Variants in UFL1 observed in about 807,000 individuals in gnomAD.
The protein encoded by UFL1 is UFM1 specific ligase 1, also known as E3 UFM1-protein ligase 1.
Under a neutral mutation model 99.3 loss-of-function variants are expected in UFL1, and 78 were observed. The ratio of observed to expected loss-of-function variants is 0.79; its 90% confidence interval spans 0.65 to 0.95. The LOEUF (loss-of-function observed/expected upper bound fraction) is 0.95, where lower values mean the gene tolerates loss of function less well. UFL1 is among the 40% of genes least tolerant of loss of function. UFL1 has a pLI of 0.00. For missense variants in UFL1, 936 were observed against 937.0 expected, an observed-to-expected ratio of 1.00 and a Z score of 0.01; for synonymous variants, 335 against 322.2, an observed-to-expected ratio of 1.04 and a Z score of -0.42.
chr6:96,525,483 G>C (rs1160757225), intron 4 of UFL1, 89 bp downstream of exon 4: 1 of 918,238 alleles, frequency 1.1e-6, no homozygotes, highest in Non-Finnish European at 1.7e-6. Flanking sequence ...ATTATGGCCA[G>C]TTAGACATTT....
At chr6:96,523,399 A>G in intron 2 of UFL1, 108 bp downstream of exon 2, 21 of 1,207,362 alleles carry the variant, frequency 1.7e-5, no homozygotes, top group Non-Finnish European at 2.4e-5. Context: ...AGATTGTAAG[A>G]TATCGTTTTC....
intron 5 of UFL1, among the ~76,000 whole-genome samples, chr6:96,527,882 A>G (rs1769725374): frequency 6.6e-6 from 1 of 152,196 alleles, no homozygotes; most frequent in African/African-American, 2.4e-5. Context: ...TAAAATGTGA[A>G]ATATGTCCAG....
intron 12 of UFL1, among the ~76,000 whole-genome samples, chr6:96,545,618 G>A (rs1182584492): frequency 2.0e-5 from 3 of 150,804 alleles, no homozygotes; most frequent in Non-Finnish European, 4.5e-5. Context: ...TTATAAAGGA[G>A]GAAAAACTGC....
At chr6:96,526,287 C>T (rs778097329) in intron 4 of UFL1, 34 bp from the exon 5 acceptor site, 1 of 1,530,618 alleles carries the variant, frequency 6.5e-7, no homozygotes, top group Non-Finnish European at 8.9e-7. Flanking sequence ...ATTCCTAATT[C>T]TTTTTTCTAT....
chr6:96,552,877 T>C (rs1770102440), intron 18 of UFL1, among the ~76,000 whole-genome samples: 1 of 152,118 alleles, frequency 6.6e-6, no homozygotes, highest in African/African-American at 2.4e-5. Flanking sequence ...GAAATTAAGC[T>C]TTCAGAAAAG....
At position 96,549,742 on chromosome 6, in the gene UFL1, C is replaced by T. The variant is rs911937818; in HGVS notation, c.1761C>T (p.Asn587=). The part of the protein sequence containing the change: ...VCTDITNLIF[N]FLASDLMMAV... ...CTGATATCACTAACCTCATTTTCAACTTCTTAGCTTCGGATTTAATGATGG... is the reference window on the plus strand; with the variant it reads ...CTGATATCACTAACCTCATTTTCAATTTCTTAGCTTCGGATTTAATGATGG... The change falls in exon 15 of 19, where the codon AAC becomes AAT. Residue 587 remains asparagine (N), a synonymous_variant. Transcript: ENST00000369278. The T allele has an allele frequency of 6.2e-7, 1 of 1,612,058 alleles. No homozygotes were observed. Among genetic ancestry groups the T allele is most frequent in the East Asian group, 2.2e-5 (1 of 44,820 alleles).
intron 5 of UFL1, 33 bp from the exon 6 acceptor site, chr6:96,528,469 T>C (rs1389297907): frequency 6.2e-7 from 1 of 1,601,808 alleles, no homozygotes; most frequent in Non-Finnish European, 8.5e-7. Flanking sequence ...TCTTTTCTTT[T>C]AAATTAATAA....
At chr6:96,531,884 G>T (rs1769787727) in intron 6 of UFL1, among the ~76,000 whole-genome samples, 2 of 152,114 alleles carry the variant, frequency 1.3e-5, no homozygotes, top group South Asian at 4.1e-4. Context: ...TTGCTAGGTT[G>T]TGTGGCTTCC....
chr6:96,549,946 T>C (rs968357912), intron 15 of UFL1, 147 bp downstream of exon 15: 3 of 1,025,856 alleles, frequency 2.9e-6, no homozygotes. Context: ...TATTCAACTT[T>C]AGTACTATAT....
chr6:96,522,141 C>T (rs960780877), intron 1 of UFL1, among the ~76,000 whole-genome samples, 191 bp downstream of exon 1: 2 of 152,172 alleles, frequency 1.3e-5, no homozygotes, highest in African/African-American at 4.8e-5. Flanking sequence ...AGTCCTCAGC[C>T]TAGGACGCCC....
intron 7 of UFL1, among the ~76,000 whole-genome samples, chr6:96,535,214 A>G (rs1452881382): frequency 6.6e-6 from 1 of 151,922 alleles, no homozygotes; most frequent in Non-Finnish European, 1.5e-5. Context: ...CAGCATTGCA[A>G]TTTTAAAATT....
At chr6:96,525,191 C>A in intron 3 of UFL1, 106 bp from the exon 4 acceptor site, 1 of 850,958 alleles carries the variant, frequency 1.2e-6, no homozygotes, top group South Asian at 1.9e-5. Flanking sequence ...CATGAGCCAC[C>A]ATGCCTGGCC....
chr6:96,537,599 T>G, intron 9 of UFL1, 50 bp downstream of exon 9: 2 of 1,459,568 alleles, frequency 1.4e-6, no homozygotes, highest in Non-Finnish European at 1.8e-6. Flanking sequence ...CAACTGATAT[T>G]TTACTAATAT....
intron 16 of UFL1, 26 bp from the exon 17 acceptor site, chr6:96,551,812 A>T (rs763348066): frequency 6.8e-7 from 1 of 1,471,088 alleles, no homozygotes; most frequent in Non-Finnish European, 9.3e-7. Context: ...TATAAAAGTA[A>T]ATTATGGTAT....
intron 4 of UFL1, among the ~76,000 whole-genome samples, 161 bp downstream of exon 4, chr6:96,525,555 G>T (rs1262859545): frequency 6.6e-6 from 1 of 151,806 alleles, no homozygotes; most frequent in Non-Finnish European, 1.5e-5. Flanking sequence ...AAAAGTAAGT[G>T]TTTAAGCCAC....
intron 12 of UFL1, among the ~76,000 whole-genome samples, chr6:96,543,805 A>G (rs1396828732): frequency 1.3e-5 from 2 of 151,170 alleles, no homozygotes; most frequent in African/African-American, 4.8e-5. Flanking sequence ...AAGTTAATTG[A>G]TAATAAGAAG....
intron 10 of UFL1, among the ~76,000 whole-genome samples, chr6:96,539,258 A>G (rs1435562292): frequency 2.6e-5 from 4 of 151,562 alleles, no homozygotes; most frequent in African/African-American, 9.7e-5. Flanking sequence ...TTTTGTTACT[A>G]TTTATTAGTT....
In UFL1 at chr6:96,551,203, A is replaced by C. The variant is rs371008662; in HGVS notation, c.1819-230A>C. Among the ~76,000 whole-genome samples, 3 of 148,390 alleles carry C rather than the reference A, an allele frequency of 2.0e-5. No homozygotes were observed. The East Asian group carries it at 5.9e-4, about 29-fold the overall frequency. On this transcript the variant is annotated intron_variant, in intron 15 of 18. Transcript: ENST00000369278. ...TCTCACAAGGTCAACGACTCTCTCT[A>C]GTCTTTCTCTTACATTGATGGAGCA...
intron 4 of UFL1, among the ~76,000 whole-genome samples, 179 bp downstream of exon 4, chr6:96,525,573 G>C (rs1010468669): frequency 1.3e-5 from 2 of 151,734 alleles, no homozygotes; most frequent in African/African-American, 2.4e-5. Context: ...CACATATGGT[G>C]GCATGTACCT....
Sources: gnomAD v4.1 joint callset for allele counts (sites outside exome capture counted in the v4.1 genomes callset) on GRCh38, gnomAD v4.1.1 for gene constraint, MANE v1.5 for transcripts, NCBI Gene and HGNC (gene_info 2026-07-23, HGNC 2026-07-21) for gene names.